The following KIF16B variants were observed in gnomAD, a reference collection of about 807,000 sequenced individuals.
The protein encoded by KIF16B is kinesin-like protein KIF16B.
KIF16B carries 98 observed loss-of-function variants against 156.3 expected under a neutral mutation model. The observed-to-expected ratio is 0.63, with a 90% CI of 0.53 to 0.74. The LOEUF (loss-of-function observed/expected upper bound fraction) is 0.74. KIF16B is among the 30% of genes least tolerant of loss of function. The pLI, the probability that KIF16B is intolerant of heterozygous loss-of-function variation, is 0.00. For missense variants in KIF16B, 1,421 were observed against 1,606.5 expected (o/e 0.88, Z 1.97); for synonymous variants, 564 against 583.7 (o/e 0.97, Z 0.49).
At chr20:16,521,625 A>G (rs1469083042) in intron 3 of KIF16B, among the ~76,000 whole-genome samples, 3 of 152,188 alleles carry the variant, frequency 2.0e-5, no homozygotes, top group Non-Finnish European at 4.4e-5. Flanking sequence ...AACTTCCCCA[A>G]CCTAGCAAGA....
rs1423672986 is a variant in KIF16B, at chr20:16,445,809, T to G, written c.1303-15827A>C. On this transcript the variant is annotated intron_variant, in intron 12 of 25. Coordinates refer to ENST00000354981, the MANE Select transcript of KIF16B (RefSeq NM_024704.5). ...AATTAAAGGCAACCATTGAGAAACT[T>G]CAGTGCAATTTGACAGAGTAATTTT... 3.3e-5 allele frequency among the ~76,000 whole-genome samples: 5 copies of G among 152,170 alleles called. No homozygotes were observed. The East Asian group carries it at 9.6e-4, about 29-fold the overall frequency.
chr20:16,412,431 A>G (rs2065980952), intron 15 of KIF16B, among the ~76,000 whole-genome samples: 1 of 152,156 alleles, frequency 6.6e-6, no homozygotes, highest in African/African-American at 2.4e-5. Context: ...ATGATAGTGT[A>G]TTAGTCCATT....
intron 23 of KIF16B, among the ~76,000 whole-genome samples, chr20:16,336,347 T>G (rs2064036781): frequency 6.6e-6 from 1 of 152,186 alleles, no homozygotes; most frequent in Non-Finnish European, 1.5e-5. Flanking sequence ...AAAATCTCAC[T>G]GCCTCTCAGT....
chr20:16,381,875 G>A (rs2123445102), intron 17 of KIF16B, 128 bp from the exon 18 acceptor site: 1 of 818,850 alleles, frequency 1.2e-6, no homozygotes, highest in Admixed American at 2.9e-5. Context: ...AATTACCACG[G>A]GTTAGCAAGT....
intron 12 of KIF16B, among the ~76,000 whole-genome samples, chr20:16,484,167 T>A (rs1326616678): frequency 6.6e-6 from 1 of 152,228 alleles, no homozygotes. Flanking sequence ...ACATGAATTA[T>A]TTCTGAGCCT....
At chr20:16,371,844 A>T in intron 20 of KIF16B, 83 bp from the exon 21 acceptor site, 3 of 895,492 alleles carry the variant, frequency 3.4e-6, no homozygotes, top group Middle Eastern at 5.0e-4. Flanking sequence ...TACGCCCTTC[A>T]CAACAGGGAG....
intron 25 of KIF16B, among the ~76,000 whole-genome samples, chr20:16,281,101 G>A (rs180785300): frequency 2.0e-4 from 31 of 151,756 alleles, no homozygotes; most frequent in Non-Finnish European, 5.9e-5. Context: ...TGATTTTTCC[G>A]GCCATCTCAT....
intron 15 of KIF16B, among the ~76,000 whole-genome samples, chr20:16,426,673 G>T (rs1410711696): frequency 6.6e-6 from 1 of 151,916 alleles, no homozygotes; most frequent in Non-Finnish European, 1.5e-5. Flanking sequence ...CTTGCAACTT[G>T]TCTATGATAT....
chr20:16,428,716 G>A (rs1393195216), intron 14 of KIF16B, among the ~76,000 whole-genome samples: 1 of 152,020 alleles, frequency 6.6e-6, no homozygotes, highest in Non-Finnish European at 1.5e-5. Flanking sequence ...TGGGAGAAAG[G>A]GTTTATTGGC....
chr20:16,483,484 T>C (rs916720414), intron 12 of KIF16B, among the ~76,000 whole-genome samples: 1 of 152,312 alleles, frequency 6.6e-6, no homozygotes, highest in East Asian at 1.9e-4. Context: ...GCTGAGAAGA[T>C]AGGTATTACT....
chr20:16,515,848 CT>C (rs1187930042), intron 3 of KIF16B, among the ~76,000 whole-genome samples, 184 bp from the exon 4 acceptor site: 1 of 152,120 alleles, frequency 6.6e-6, no homozygotes, highest in East Asian at 1.9e-4. Context: ...CAAAAATAAA[CT>C]TTTTAAGCAA....
intron 15 of KIF16B, among the ~76,000 whole-genome samples, chr20:16,411,169 G>A (rs1161876486): frequency 6.6e-6 from 1 of 152,024 alleles, no homozygotes; most frequent in Non-Finnish European, 1.5e-5. Flanking sequence ...TCAATTTTTG[G>A]TTCATTGTGA....
At chr20:16,484,852 T>C (rs954788329) in intron 12 of KIF16B, among the ~76,000 whole-genome samples, 2 of 152,088 alleles carry the variant, frequency 1.3e-5, no homozygotes, top group African/African-American at 4.8e-5. Flanking sequence ...CACTCATACA[T>C]ACACAGTTGC....
intron 24 of KIF16B, among the ~76,000 whole-genome samples, chr20:16,320,569 A>G (rs1395670415): frequency 6.6e-6 from 1 of 152,148 alleles, no homozygotes; most frequent in Non-Finnish European, 1.5e-5. Context: ...TAACAACACA[A>G]AATAAAATGT....
chr20:16,343,003 T>C (rs1194429170), intron 23 of KIF16B, among the ~76,000 whole-genome samples: 1 of 152,106 alleles, frequency 6.6e-6, no homozygotes, highest in Admixed American at 6.6e-5. Context: ...CAAATTAAAA[T>C]TGGGCATGAA....
At chr20:16,415,860 C>A (rs1194501548) in intron 15 of KIF16B, among the ~76,000 whole-genome samples, 1 of 152,112 alleles carries the variant, frequency 6.6e-6, no homozygotes, top group Non-Finnish European at 1.5e-5. Flanking sequence ...CACACTCCAC[C>A]CTGTTTCTCC....
intron 12 of KIF16B, among the ~76,000 whole-genome samples, chr20:16,457,383 A>G (rs1432558141): frequency 6.6e-6 from 1 of 152,224 alleles, no homozygotes; most frequent in African/African-American, 2.4e-5. Context: ...CCCGAAAACC[A>G]TACTCATTGC....
At position 16,494,417 on chromosome 20, in the gene KIF16B, G is replaced by A. The variant is rs143700020; in HGVS notation, c.1243-67C>T. On this transcript the variant is annotated intron_variant, in intron 11 of 25. Coordinates refer to ENST00000354981, the MANE Select transcript of KIF16B (RefSeq NM_024704.5). Reference sequence around the variant, plus strand: ...AGTTTATAATTTTCTTCTAGTTTCCGAACTCTAATATCTCATGGAAAGATG... The same window carrying A: ...AGTTTATAATTTTCTTCTAGTTTCCAAACTCTAATATCTCATGGAAAGATG... 550 of 1,004,280 alleles carry A rather than the reference G, an allele frequency of 5.5e-4. 3 individuals carry two copies. In the African/African-American group the frequency reaches 5.8e-3, roughly 11 times the overall value. The allele number at this position is 1,004,280 out of a possible 1,614,324, so 62.2% of individuals were successfully genotyped here.
At chr20:16,473,635 C>A (rs930877960) in intron 12 of KIF16B, among the ~76,000 whole-genome samples, 11 of 152,114 alleles carry the variant, frequency 7.2e-5, no homozygotes, top group African/African-American at 2.4e-4. Context: ...CTATGTAATC[C>A]CAAAGATCAC....
Sources: allele counts gnomAD v4.1 joint callset (sites outside exome capture counted in the v4.1 genomes callset), GRCh38; gene constraint gnomAD v4.1.1; transcripts MANE v1.5; gene names NCBI Gene and HGNC (gene_info 2026-07-23, HGNC 2026-07-21).